Variants in DNAJC1 observed in about 807,000 individuals in gnomAD.
The protein encoded by DNAJC1 is dnaJ homolog subfamily C member 1.
A neutral mutation model predicts 76.6 loss-of-function variants in DNAJC1; 58 were observed. The observed-to-expected ratio is 0.76, with a 90% CI of 0.61 to 0.94. DNAJC1 has a LOEUF of 0.94. DNAJC1 is among the 40% of genes least tolerant of loss of function. DNAJC1 has a pLI of 0.00. For missense variants in DNAJC1, 689 were observed against 677.3 expected (o/e 1.02, Z -0.19); for synonymous variants, 258 against 267.9 (o/e 0.96, Z 0.36).
intron 8 of DNAJC1, among the ~76,000 whole-genome samples, chr10:21,870,200 C>T (rs1328179824): frequency 6.6e-6 from 1 of 151,946 alleles, no homozygotes; most frequent in Non-Finnish European, 1.5e-5. Flanking sequence ...AAAAATCACA[C>T]AATCATCTTA....
Position 21,998,573 on chromosome 10 carries a change from C to T in DNAJC1, c.222+4640G>A, listed in dbSNP as rs149464349. Reference sequence around the variant, plus strand: ...CCTACACTCCTCTCTCATCTTCCCCCCATCTCCTCTGAAAAGATGCAATAT... The same window carrying T: ...CCTACACTCCTCTCTCATCTTCCCCTCATCTCCTCTGAAAAGATGCAATAT... On this transcript the variant is annotated intron_variant, in intron 1 of 11. Coordinates refer to ENST00000376980, the MANE Select transcript of DNAJC1 (RefSeq NM_022365.4). Among the ~76,000 whole-genome samples the T allele has an allele frequency of 8.7e-3, 1,317 of 152,072 alleles. 12 individuals carry two copies. Among genetic ancestry groups the T allele is most frequent in the Non-Finnish European group, 0.012 (824 of 67,974 alleles).
intron 7 of DNAJC1, among the ~76,000 whole-genome samples, chr10:21,888,146 ACTGATT>A (rs1836397818): frequency 6.6e-6 from 1 of 151,818 alleles, no homozygotes; most frequent in East Asian, 1.9e-4. Flanking sequence ...GCTCCATATC[ACTGATT>A]ATTAGAGTAA....
chr10:21,816,859 T>TA (rs1290952806), intron 8 of DNAJC1, among the ~76,000 whole-genome samples: 4,051 of 116,208 alleles, frequency 0.035, 114 homozygotes, highest in Middle Eastern at 0.063. Flanking sequence ...CTCTGTCTCT[T>TA]AAAAAAAAAA....
intron 1 of DNAJC1, among the ~76,000 whole-genome samples, chr10:21,967,397 C>A (rs1010111977): frequency 1.1e-4 from 17 of 152,144 alleles, no homozygotes; most frequent in African/African-American, 4.1e-4. Context: ...AAGCAATATT[C>A]TTTTAAGCAC....
At chr10:21,919,966 T>A in intron 4 of DNAJC1, 37 bp from the exon 5 acceptor site, 3 of 1,313,488 alleles carry the variant, frequency 2.3e-6, no homozygotes, top group Non-Finnish European at 3.2e-6. Flanking sequence ...AGGTTATCAT[T>A]AACATGTACA....
chr10:21,963,342 C>T (rs959206396), intron 1 of DNAJC1, among the ~76,000 whole-genome samples: 6 of 152,094 alleles, frequency 3.9e-5, no homozygotes, highest in Non-Finnish European at 8.8e-5. Context: ...CTTGAGATAA[C>T]TGAAGAACAG....
intron 1 of DNAJC1, among the ~76,000 whole-genome samples, chr10:21,991,412 A>G (rs1373066994): frequency 6.6e-6 from 1 of 152,208 alleles, no homozygotes; most frequent in Non-Finnish European, 1.5e-5. Flanking sequence ...CAGACAACCA[A>G]TGTTCCTAGA....
At chr10:21,882,910 C>G (rs1376663322) in intron 7 of DNAJC1, among the ~76,000 whole-genome samples, 1 of 151,962 alleles carries the variant, frequency 6.6e-6, no homozygotes, top group African/African-American at 2.4e-5. Flanking sequence ...CTGGCAACAT[C>G]AAGAGTAGTT....
chr10:21,811,618 G>T (rs1342737739), intron 8 of DNAJC1, among the ~76,000 whole-genome samples: 2 of 152,162 alleles, frequency 1.3e-5, no homozygotes, highest in African/African-American at 4.8e-5. Context: ...TGAAAAGGAA[G>T]ACCACAAACT....
chr10:21,787,273 A>C (rs1265416217), intron 9 of DNAJC1, among the ~76,000 whole-genome samples: 1 of 152,128 alleles, frequency 6.6e-6, no homozygotes, highest in African/African-American at 2.4e-5. Context: ...GGTTGCAGTG[A>C]GCAGAGATCA....
Position 21,756,648 on chromosome 10 carries a change from A to G in DNAJC1, c.*39T>C, listed in dbSNP as rs1834178566. ...TCTGCATAAGATTTTTAAGATATTC[A>G]TTTTGGAAAATGAAGGTGAACATCA... is the stretch of plus-strand genomic sequence containing the variant. On this transcript the variant is annotated 3_prime_UTR_variant, in exon 12 of 12. Transcript: ENST00000376980. 2 of 1,511,580 alleles carry G rather than the reference A, an allele frequency of 1.3e-6. No homozygotes were observed. The highest frequency in any genetic ancestry group is 1.7e-5 in the Admixed American group (1 of 59,444). 93.6% of individuals were successfully genotyped at this position (1,511,580 alleles called of 1,614,324 possible). A position where few individuals can be genotyped will look rare whatever the true frequency, so the allele number is the denominator to read the frequency against.
At chr10:21,813,210 CTCTCTCTCTCTATA>C (rs1173990743) in intron 8 of DNAJC1, among the ~76,000 whole-genome samples, 23 of 61,418 alleles carry the variant, frequency 3.7e-4, no homozygotes, top group East Asian at 7.7e-4. Context: ...CTCTCTCTCT[CTCTCTCTCTCTATA>C]TATATATATA....
chr10:21,835,591 G>GT (rs1835437022), intron 8 of DNAJC1, among the ~76,000 whole-genome samples: 1 of 152,134 alleles, frequency 6.6e-6, no homozygotes, highest in African/African-American at 2.4e-5. Context: ...AAAATTAGAC[G>GT]AATGGATAAC....
chr10:21,759,616 T>C lies in DNAJC1; in HGVS notation c.1150A>G (p.Met384Val). The change falls in exon 11 of 12, where the codon ATG becomes GTG. Residue 384 changes from methionine (M) to valine (V), a missense_variant and splice_region_variant. Physicochemically the swap from Met to Val is conservative, Grantham distance 21. Coordinates refer to ENST00000376980, the MANE Select transcript of DNAJC1 (RefSeq NM_022365.4). Reference protein sequence around the residue: ...LKDSVTCSPGMVRLSELKSTV... With the variant: ...LKDSVTCSPGVVRLSELKSTV... ...GATTTGAGTTCGGAGAGTCTAACCA[T>C]TCCTAGGAAAGAGGGTGTGCCACAC... 6.2e-7 allele frequency: 1 copy of C among 1,612,052 alleles called. No individual in the cohort carries two copies. The highest frequency in any genetic ancestry group is 8.5e-7 in the Non-Finnish European group (1 of 1,178,788).
At chr10:21,951,958 C>T (rs1837603683) in intron 1 of DNAJC1, among the ~76,000 whole-genome samples, 1 of 152,112 alleles carries the variant, frequency 6.6e-6, no homozygotes, top group African/African-American at 2.4e-5. Flanking sequence ...AATAAAGCAA[C>T]ACATGGCTTT....
At chr10:21,759,879 ACT>A (rs1834221334) in intron 10 of DNAJC1, among the ~76,000 whole-genome samples, 1 of 152,126 alleles carries the variant, frequency 6.6e-6, no homozygotes, top group Non-Finnish European at 1.5e-5. Context: ...CCCTTTCTCT[ACT>A]CTGAGGAATA....
rs552728848 is a variant in DNAJC1 at position 21,998,169 on chromosome 10, T to A, written c.222+5044A>T. 8.5e-4 allele frequency among the ~76,000 whole-genome samples: 129 copies of A among 152,152 alleles called. 2 individuals are homozygous for A. In the South Asian group the frequency reaches 0.026, roughly 30 times the overall value. On this transcript the variant is annotated intron_variant, in intron 1 of 11. Coordinates refer to ENST00000376980, the MANE Select transcript of DNAJC1 (RefSeq NM_022365.4). Reference sequence around the variant, plus strand: ...ACTTTGGGAGGCCGAGGTGGGTGGATCACCTGAGGTCAGGAGTGCAAGATC... The same window carrying A: ...ACTTTGGGAGGCCGAGGTGGGTGGAACACCTGAGGTCAGGAGTGCAAGATC...
intron 9 of DNAJC1, chr10:21,785,607 G>A (rs559309861): frequency 6.6e-6 from 1 of 152,186 alleles, no homozygotes; most frequent in East Asian, 1.9e-4. Flanking sequence ...AACTGTCTTT[G>A]TTGAAGGGAT....
At chr10:21,871,679 A>C (rs1305049800) in intron 8 of DNAJC1, among the ~76,000 whole-genome samples, 1 of 151,982 alleles carries the variant, frequency 6.6e-6, no homozygotes, top group Non-Finnish European at 1.5e-5. Flanking sequence ...ACAGAGTCTC[A>C]CTCTGTCATC....
Sources: gnomAD v4.1 joint callset for allele counts (sites outside exome capture counted in the v4.1 genomes callset) on GRCh38, gnomAD v4.1.1 for gene constraint, MANE v1.5 for transcripts, NCBI Gene and HGNC (gene_info 2026-07-23, HGNC 2026-07-21) for gene names.